Variants in ERC1 observed in about 807,000 individuals in gnomAD.
ERC1 encodes RAB6 interacting protein 2.
ERC1 carries 56 observed loss-of-function variants against 132.0 expected under a neutral mutation model. The observed-to-expected ratio is 0.42, with a 90% CI of 0.34 to 0.53. The LOEUF is 0.53. Ranked by LOEUF, ERC1 falls within the 20% of genes least tolerant of loss-of-function variation. The pLI, the probability that ERC1 is intolerant of heterozygous loss-of-function variation, is 0.03. For synonymous variants in ERC1, 478 were observed against 476.1 expected, an observed-to-expected ratio of 1.00 and a Z score of -0.05; for missense variants, 1,202 against 1,349.9, an observed-to-expected ratio of 0.89 and a Z score of 1.72.
Position 1,083,524 on chromosome 12 carries a change from CA to C in ERC1, c.1031del (p.His344LeufsTer3). On this transcript the variant is annotated frameshift_variant, in exon 3 of 19. Transcript: ENST00000360905. LOFTEE classifies it high-confidence loss of function. ...ACTGGCAGAGGCAGAGATGCACGTT[CA>C]TCACCTAGAAAGCCTTTTGGAGCAG... ...RRLAEAEMHV[H>X]HLESLLEQKE... 3 of 1,613,316 alleles carry C rather than the reference CA, an allele frequency of 1.9e-6. No homozygotes were observed. The highest frequency in any genetic ancestry group is 2.5e-6 in the Non-Finnish European group (3 of 1,179,792).
chr12:1,071,247 G>A (rs12824693), intron 2 of ERC1, among the ~76,000 whole-genome samples: 34,559 of 152,188 alleles, frequency 0.23, 4,344 homozygotes, highest in Middle Eastern at 0.27. Context: ...CTAGGGTGGT[G>A]CATACTTCAC....
chr12:1,020,465 A>G (rs1315892140), intron 1 of ERC1, among the ~76,000 whole-genome samples: 2 of 152,166 alleles, frequency 1.3e-5, no homozygotes, highest in Non-Finnish European at 2.9e-5. Context: ...TCAACAAAAC[A>G]AAACAAAAAG....
chr12:1,133,550 A>G (rs1948973648), intron 7 of ERC1, among the ~76,000 whole-genome samples: 2 of 152,166 alleles, frequency 1.3e-5, no homozygotes, highest in South Asian at 4.1e-4. Context: ...TGAATTTCAT[A>G]TTCCACTAAG....
At chr12:1,235,153 G>A (rs1272873063) in intron 12 of ERC1, among the ~76,000 whole-genome samples, 1 of 152,234 alleles carries the variant, frequency 6.6e-6, no homozygotes, top group African/African-American at 2.4e-5. Context: ...GATTGCTTGA[G>A]TCCAGGAGTT....
At chr12:1,305,056 A>G (rs991551783) in intron 15 of ERC1, among the ~76,000 whole-genome samples, 1 of 152,102 alleles carries the variant, frequency 6.6e-6, no homozygotes, top group Admixed American at 6.6e-5. Context: ...CTGGGATTAC[A>G]GGCGTGAGCC....
chr12:1,053,396 G>C (rs1972382890), intron 2 of ERC1, among the ~76,000 whole-genome samples: 1 of 152,158 alleles, frequency 6.6e-6, no homozygotes, highest in Admixed American at 6.6e-5. Context: ...GGTTAGTTTT[G>C]TCAGGTAGAA....
At chr12:1,413,067 A>G (rs2091929885) in intron 17 of ERC1, among the ~76,000 whole-genome samples, 1 of 152,230 alleles carries the variant, frequency 6.6e-6, no homozygotes, top group Non-Finnish European at 1.5e-5. Context: ...TGATGGTGAT[A>G]GCTGTCTTCC....
intron 17 of ERC1, among the ~76,000 whole-genome samples, chr12:1,418,737 A>ATC (rs1167790372): frequency 2.6e-5 from 3 of 114,886 alleles, no homozygotes; most frequent in East Asian, 4.5e-4. Context: ...TGGAGACAGG[A>ATC]TCTCTCTCTC....
rs71055135 is a variant in ERC1 at position 1,126,986 on chromosome 12, CAAAAAAAAAAA to C, written c.1569+10970_1569+10980del. The stretch of plus-strand genomic sequence containing the variant: ...CTGGCGACAGAGTGAGATTCTGTCT[CAAAAAAAAAAA>C]AAAAAAAAAAAAAAAACCTCAAAAA... On this transcript the variant is annotated intron_variant, in intron 7 of 18. Coordinates refer to ENST00000360905, the MANE Select transcript of ERC1 (RefSeq NM_178040.4). Among the ~76,000 whole-genome samples the C allele has an allele frequency of 3.7e-3, 424 of 114,208 alleles. 7 individuals carry two copies. The highest frequency in any genetic ancestry group is 0.017 in the African/African-American group (399 of 23,422). The allele number at this position is 114,208 out of a possible 152,430, so 74.9% of individuals were successfully genotyped here.
intron 1 of ERC1, among the ~76,000 whole-genome samples, chr12:1,024,428 C>A (rs558901267): frequency 1.1e-4 from 17 of 152,220 alleles, no homozygotes; most frequent in African/African-American, 2.2e-4. Context: ...CCGCTCCCCC[C>A]ACAGGTTTGA....
At chr12:996,657 CA>C (rs1960981895) in intron 1 of ERC1, among the ~76,000 whole-genome samples, 3 of 152,214 alleles carry the variant, frequency 2.0e-5, no homozygotes, top group African/African-American at 7.2e-5. Context: ...AGGAAAGGCA[CA>C]TGACTTCTTA....
chr12:1,494,408 A>C lies in ERC1; in HGVS notation c.*4178A>C, dbSNP rs2094343982. ...TTAGGCAAGAAAAGACATACATTAC[A>C]GGGAAATCCTTCTGAACAAAATGGC... On this transcript the variant is annotated 3_prime_UTR_variant, in exon 19 of 19. Coordinates refer to ENST00000360905, the MANE Select transcript of ERC1 (RefSeq NM_178040.4). The C allele has an allele frequency of 4.3e-6, 1 of 232,084 alleles. No individual in the cohort carries two copies. Among genetic ancestry groups the C allele is most frequent in the Non-Finnish European group, 8.5e-6 (1 of 117,384 alleles). 14.4% of individuals were successfully genotyped at this position (232,084 alleles called of 1,614,324 possible).
chr12:1,125,897 A>T (rs1255676460), intron 7 of ERC1, among the ~76,000 whole-genome samples: 1 of 152,242 alleles, frequency 6.6e-6, no homozygotes, highest in Non-Finnish European at 1.5e-5. Context: ...AGTTACAAAA[A>T]GACAAATACT....
At chr12:1,465,279 G>T (rs993257286) in intron 18 of ERC1, among the ~76,000 whole-genome samples, 1 of 152,208 alleles carries the variant, frequency 6.6e-6, no homozygotes, top group South Asian at 2.1e-4. Context: ...AGAAACTGTG[G>T]AAATGACAGT....
In ERC1 at chr12:1,493,710, CTG is replaced by C. The variant is rs2094339604; in HGVS notation, c.*3481_*3482del. 1 of 207,382 alleles carries C rather than the reference CTG, an allele frequency of 4.8e-6. No individual in the cohort carries two copies. The highest frequency in any genetic ancestry group is 2.3e-5 in the African/African-American group (1 of 43,506). 12.8% of individuals were successfully genotyped at this position (207,382 alleles called of 1,614,324 possible). On this transcript the variant is annotated 3_prime_UTR_variant, in exon 19 of 19. Transcript: ENST00000360905. ...TTTTAGAAATAACTTGTAAAGCAGA[CTG>C]GACCCAAGGCCGCCTTCAGTGTCAA...
intron 16 of ERC1, among the ~76,000 whole-genome samples, chr12:1,378,811 G>A (rs751056590): frequency 3.0e-4 from 45 of 152,216 alleles, no homozygotes; most frequent in Non-Finnish European, 5.3e-4. Flanking sequence ...TATGAGGGTA[G>A]AGTGTACCTT....
intron 16 of ERC1, among the ~76,000 whole-genome samples, chr12:1,399,133 G>A (rs866480563): frequency 6.7e-6 from 1 of 150,036 alleles, no homozygotes; most frequent in South Asian, 2.1e-4. Flanking sequence ...TTATTTTTTT[G>A]TAGATACAGG....
intron 13 of ERC1, chr12:1,244,649 G>C (rs1457040244): frequency 2.4e-6 from 1 of 416,512 alleles, no homozygotes; most frequent in Non-Finnish European, 4.9e-6. Context: ...AGCCACCCGA[G>C]TAGCTGGGAT....
At chr12:1,435,359 G>T (rs1013546539) in intron 17 of ERC1, among the ~76,000 whole-genome samples, 2 of 152,078 alleles carry the variant, frequency 1.3e-5, no homozygotes. Context: ...AGAATAATAG[G>T]ACATAGAAAC....
Sources: allele counts gnomAD v4.1 joint callset (sites outside exome capture counted in the v4.1 genomes callset), GRCh38; gene constraint gnomAD v4.1.1; transcripts MANE v1.5; gene names NCBI Gene and HGNC (gene_info 2026-07-23, HGNC 2026-07-21).